NSUN6: variants seen among roughly 807,000 people sequenced by gnomAD.
The protein encoded by NSUN6 is tRNA (cytosine(72)-C(5))-methyltransferase NSUN6.
A neutral mutation model predicts 58.0 loss-of-function variants in NSUN6; 64 were observed. The observed-to-expected ratio is 1.10, with a 90% CI of 0.90 to 1.36. NSUN6 has a LOEUF of 1.36. NSUN6 is among the 40% of genes most tolerant of loss of function. NSUN6 has a pLI of 0.00. For missense variants in NSUN6, 701 were observed against 550.1 expected, an observed-to-expected ratio of 1.27 and a Z score of -2.74; for synonymous variants, 231 against 193.9, an observed-to-expected ratio of 1.19 and a Z score of -1.59.
At chr10:18,634,548 G>T (rs1162068806) in intron 3 of NSUN6, among the ~76,000 whole-genome samples, 1 of 150,854 alleles carries the variant, frequency 6.6e-6, no homozygotes, top group Admixed American at 6.6e-5. Flanking sequence ...TCAGGAGATT[G>T]AGACCATCCC....
rs555103167 is a variant in NSUN6 at position 18,641,596 on chromosome 10, C to T, written c.311+880G>A. On this transcript the variant is annotated intron_variant, in intron 3 of 10. Coordinates refer to ENST00000377304, the MANE Select transcript of NSUN6 (RefSeq NM_182543.5). Reference sequence around the variant, plus strand: ...TGTTGCCCAGACTGGTCTCCAACCCCTGGGCTCAAGGGATCCGCCTACCTC... The same window carrying T: ...TGTTGCCCAGACTGGTCTCCAACCCTTGGGCTCAAGGGATCCGCCTACCTC... Among the ~76,000 whole-genome samples the T allele has an allele frequency of 6.6e-5, 10 of 152,148 alleles. No individual in the cohort carries two copies. In the South Asian group the frequency reaches 2.1e-3, roughly 32 times the overall value.
intron 5 of NSUN6, among the ~76,000 whole-genome samples, chr10:18,610,404 T>C (rs1472685229): frequency 6.6e-6 from 1 of 152,176 alleles, no homozygotes; most frequent in East Asian, 1.9e-4. Flanking sequence ...GTCCTGTGAA[T>C]TGTTTTTGAA....
intron 8 of NSUN6, among the ~76,000 whole-genome samples, chr10:18,573,597 G>C (rs969878370): frequency 1.3e-5 from 2 of 152,018 alleles, no homozygotes; most frequent in African/African-American, 4.8e-5. Context: ...TGTCATCCCA[G>C]AACAAATATG....
chr10:18,638,760 C>T (rs984332359), intron 3 of NSUN6, among the ~76,000 whole-genome samples: 28 of 151,924 alleles, frequency 1.8e-4, no homozygotes, highest in South Asian at 2.1e-4. Context: ...GAAAGTAACG[C>T]AGTACATAAA....
chr10:18,584,190 T>C (rs914602439), intron 8 of NSUN6, among the ~76,000 whole-genome samples: 6 of 152,214 alleles, frequency 3.9e-5, no homozygotes, highest in Admixed American at 1.3e-4. Flanking sequence ...AAATCATGCC[T>C]GCTTGGCCAC....
intron 7 of NSUN6, among the ~76,000 whole-genome samples, chr10:18,592,070 C>G (rs1037602709): frequency 5.3e-5 from 8 of 152,090 alleles, no homozygotes; most frequent in Non-Finnish European, 1.2e-4. Context: ...TTCCTTTACA[C>G]CAACAACAGA....
At position 18,636,182 on chromosome 10, in the gene NSUN6, T is replaced by C. The variant is rs141161095; in HGVS notation, c.311+6294A>G. ...AGAAAGTAACGCAGTACATAAGAGG[T>C]AACCTTCGGCAAAGGGCAGGGGGTG... On this transcript the variant is annotated intron_variant, in intron 3 of 10. Coordinates refer to ENST00000377304, the MANE Select transcript of NSUN6 (RefSeq NM_182543.5). Among the ~76,000 whole-genome samples, 434 of 151,720 alleles carry C rather than the reference T, an allele frequency of 2.9e-3. 2 individuals are homozygous for C. The highest frequency in any genetic ancestry group is 0.01 in the African/African-American group (416 of 41,358).
chr10:18,587,383 T>C (rs976569766), intron 7 of NSUN6, among the ~76,000 whole-genome samples: 1 of 152,308 alleles, frequency 6.6e-6, no homozygotes, highest in East Asian at 1.9e-4. Flanking sequence ...CCAAAACCTC[T>C]GTATAGCATA....
At chr10:18,549,870 T>C (rs1410249038) in intron 9 of NSUN6, among the ~76,000 whole-genome samples, 2 of 152,234 alleles carry the variant, frequency 1.3e-5, no homozygotes, top group African/African-American at 2.4e-5. Flanking sequence ...ACACTGTATA[T>C]GAATTTTTCT....
At chr10:18,651,107 C>G in intron 1 of NSUN6, 22 bp downstream of exon 1, 1 of 1,571,552 alleles carries the variant, frequency 6.4e-7, no homozygotes, top group Non-Finnish European at 8.6e-7. Flanking sequence ...AAAATATCAA[C>G]TAACATCTTT....
chr10:18,585,047 C>G (rs2057069847), intron 8 of NSUN6, among the ~76,000 whole-genome samples: 1 of 148,040 alleles, frequency 6.8e-6, no homozygotes. Context: ...AAATAGCCAA[C>G]AAGTTTATGA....
At position 18,600,927 on chromosome 10, in the gene NSUN6, C is replaced by CAAAAAA. The variant is rs1242151513; in HGVS notation, c.658-4606_658-4601dup. Among the ~76,000 whole-genome samples, 121 of 43,748 alleles carry CAAAAAA rather than the reference C, an allele frequency of 2.8e-3. 1 individual carries two copies. Among genetic ancestry groups the CAAAAAA allele is most frequent in the African/African-American group, 0.011 (101 of 9,308 alleles). 28.7% of individuals were successfully genotyped at this position (43,748 alleles called of 152,430 possible). ...TGAGTGAAAGAGCAAGACTCCATCT[C>CAAAAAA]AAAAAAAAAAAAAAATATATATATA... On this transcript the variant is annotated intron_variant, in intron 6 of 10. Coordinates refer to ENST00000377304, the MANE Select transcript of NSUN6 (RefSeq NM_182543.5).
chr10:18,555,844 AAATGGAATGGAG>A (rs920470589), intron 8 of NSUN6, among the ~76,000 whole-genome samples: 4 of 148,010 alleles, frequency 2.7e-5, no homozygotes, highest in Admixed American at 6.8e-5. Flanking sequence ...GAATGGAGAA[AAATGGAATGGAG>A]AATGGAATGG....
Position 18,624,647 on chromosome 10 carries a change from C to CA in NSUN6, c.312-8355dup, listed in dbSNP as rs10671283. Among the ~76,000 whole-genome samples the CA allele has an allele frequency of 1.8e-3, 142 of 77,042 alleles. 11 individuals are homozygous for CA. Among genetic ancestry groups the CA allele is most frequent in the South Asian group, 9.5e-3 (17 of 1,782 alleles). 50.5% of individuals were successfully genotyped at this position (77,042 alleles called of 152,430 possible). A position where few individuals can be genotyped will look rare whatever the true frequency, so the allele number is the denominator to read the frequency against. ...TGGGAGACAGAGCGAGACTCTGTCT[C>CA]AAAAAAAAAAAAAAAAAGAACGAAT... On this transcript the variant is annotated intron_variant, in intron 3 of 10. Coordinates refer to ENST00000377304, the MANE Select transcript of NSUN6 (RefSeq NM_182543.5).
intron 6 of NSUN6, among the ~76,000 whole-genome samples, chr10:18,598,994 A>T (rs1271324594): frequency 6.6e-6 from 1 of 152,188 alleles, no homozygotes; most frequent in Non-Finnish European, 1.5e-5. Flanking sequence ...AAAAAATATA[A>T]AACAGCCCAT....
At chr10:18,621,174 C>G (rs1016882432) in intron 3 of NSUN6, among the ~76,000 whole-genome samples, 29 of 152,262 alleles carry the variant, frequency 1.9e-4, no homozygotes, top group African/African-American at 6.7e-4. Context: ...ATGTACCAGG[C>G]AGTGGGAATC....
rs773202318 is a variant in NSUN6 at position 18,546,140 on chromosome 10, C to A, written c.1203G>T (p.Pro401=). 2 of 1,608,862 alleles carry A rather than the reference C, an allele frequency of 1.2e-6. No individual in the cohort carries two copies. Among genetic ancestry groups the A allele is most frequent in the Admixed American group, 1.7e-5 (1 of 59,976 alleles). ...CCCTCATTCCTTCTCCTCCAATCTG[C>A]GGTTCCTGTTTGGAGAAAGTGGATC... The part of the protein sequence containing the change: ...FPCLQLQPQE[P]QIGGEGMRGA... Residue 401 remains proline, a synonymous_variant, in exon 11 of 11, where the codon CCG becomes CCT. Coordinates refer to ENST00000377304, the MANE Select transcript of NSUN6 (RefSeq NM_182543.5).
At chr10:18,563,682 C>T (rs529679012) in intron 8 of NSUN6, among the ~76,000 whole-genome samples, 1 of 150,514 alleles carries the variant, frequency 6.6e-6, no homozygotes, top group South Asian at 2.1e-4. Flanking sequence ...TTCTCTATAC[C>T]ATTCCATTCT....
chr10:18,629,297 A>G (rs2058943412), intron 3 of NSUN6, among the ~76,000 whole-genome samples: 1 of 152,214 alleles, frequency 6.6e-6, no homozygotes, highest in African/African-American at 2.4e-5. Context: ...CCACTGCAAA[A>G]TCATGCCAAA....
Sources: allele counts gnomAD v4.1 joint callset (sites outside exome capture counted in the v4.1 genomes callset), GRCh38; gene constraint gnomAD v4.1.1; transcripts MANE v1.5; gene names NCBI Gene and HGNC (gene_info 2026-07-23, HGNC 2026-07-21).